Variants in SLF2 observed in about 807,000 individuals in gnomAD.
The protein encoded by SLF2 is SMC5-SMC6 complex localization factor protein 2.
A neutral mutation model predicts 124.3 loss-of-function variants in SLF2; 68 were observed. The observed-to-expected ratio is 0.55, with a 90% CI of 0.45 to 0.67. The LOEUF is 0.67. Ranked by LOEUF, SLF2 falls within the 30% of genes least tolerant of loss-of-function variation. The probability of loss-of-function intolerance (pLI) is 0.00; values close to 1 mark genes in which losing one functional copy is unlikely to be tolerated. For synonymous variants in SLF2, 480 were observed against 478.8 expected, an observed-to-expected ratio of 1.00 and a Z score of -0.03; for missense variants, 1,246 against 1,373.7, an observed-to-expected ratio of 0.91 and a Z score of 1.47.
intron 4 of SLF2, among the ~76,000 whole-genome samples, chr10:100,920,602 G>A (rs1000606138): frequency 3.9e-5 from 6 of 152,266 alleles, no homozygotes; most frequent in Admixed American, 2.6e-4. Context: ...AGGACAAGGG[G>A]ATATTTCAAT....
Position 100,932,712 on chromosome 10 carries a change from TGTGTGTGTGCGCGC to T in SLF2, c.2436+1636_2436+1649del, listed in dbSNP as rs1445080345. 2.4e-3 allele frequency among the ~76,000 whole-genome samples: 308 copies of T among 129,152 alleles called. 2 individuals carry two copies. Among genetic ancestry groups the T allele is most frequent in the African/African-American group, 8.8e-3 (291 of 32,988 alleles). The allele number at this position is 129,152 out of a possible 152,430, so 84.7% of individuals were successfully genotyped here. A position where few individuals can be genotyped will look rare whatever the true frequency, so the allele number is the denominator to read the frequency against. The stretch of plus-strand genomic sequence containing the variant: ...CAATAAGTGTGTGTGTGTGTGTGTG[TGTGTGTGTGCGCGC>T]GCGCGCGCGCGCACATTTGTAAATG... On this transcript the variant is annotated intron_variant, in intron 9 of 19. Coordinates refer to ENST00000238961, the MANE Select transcript of SLF2 (RefSeq NM_018121.4).
chr10:100,937,618 GT>G (rs540400452), intron 10 of SLF2, 141 bp downstream of exon 10: 639 of 532,532 alleles, frequency 1.2e-3, no homozygotes, highest in East Asian at 1.8e-3. Flanking sequence ...GTTTTTTTTG[GT>G]TTTTTTTTTG....
chr10:100,956,679 CT>C (rs1419085714), intron 18 of SLF2, 142 bp downstream of exon 18: 1 of 578,158 alleles, frequency 1.7e-6, no homozygotes, highest in African/African-American at 1.9e-5. Context: ...AATCCCAATA[CT>C]TTGGGAGGCT....
intron 1 of SLF2, chr10:100,913,795 T>G: frequency 1.0e-6 from 1 of 985,824 alleles, no homozygotes; most frequent in South Asian, 4.7e-5. Flanking sequence ...AGAGGCTAAT[T>G]TTTTTGTAAA....
At chr10:100,931,570 TC>T (rs1308466237) in intron 9 of SLF2, among the ~76,000 whole-genome samples, 1 of 152,198 alleles carries the variant, frequency 6.6e-6, no homozygotes, top group East Asian at 1.9e-4. Context: ...ATATGATAAT[TC>T]CAGAAAGTTA....
intron 17 of SLF2, among the ~76,000 whole-genome samples, chr10:100,953,497 TA>T (rs1349231133): frequency 6.6e-6 from 1 of 151,314 alleles, no homozygotes; most frequent in East Asian, 2.0e-4. Flanking sequence ...TTGTAAAACT[TA>T]TATAAAGTAA....
chr10:100,917,259 CAGAA>C lies in SLF2; in HGVS notation c.875_878del (p.Gln292LeufsTer53). On this transcript the variant is annotated frameshift_variant, in exon 3 of 20. Transcript: ENST00000238961. LOFTEE classifies it high-confidence loss of function. ...TAAACCAAGGCAGGAACAAAGGAAA[CAGAA>C]TGACATCATACCTGGAAAAAATAAT... The C allele has an allele frequency of 6.2e-7, 1 of 1,613,422 alleles. No individual in the cohort carries two copies.
intron 1 of SLF2, chr10:100,913,751 G>A (rs1173583786): frequency 1.0e-6 from 1 of 987,256 alleles, no homozygotes; most frequent in Non-Finnish European, 1.2e-6. Context: ...GGAATGTGAC[G>A]TGTTTTCTCT....
intron 10 of SLF2, among the ~76,000 whole-genome samples, chr10:100,938,118 G>A (rs1285771655): frequency 6.6e-6 from 1 of 152,164 alleles, no homozygotes; most frequent in Non-Finnish European, 1.5e-5. Flanking sequence ...GTAAGCAACA[G>A]TATTATACTG....
chr10:100,935,473 G>C (rs1849828185), intron 9 of SLF2, among the ~76,000 whole-genome samples: 1 of 152,030 alleles, frequency 6.6e-6, no homozygotes, highest in African/African-American at 2.4e-5. Context: ...GAATGAGATG[G>C]GTGGATCACT....
At position 100,944,189 on chromosome 10, in the gene SLF2, T is replaced by C. The variant is rs1030193966; in HGVS notation, c.2757+61T>C. On this transcript the variant is annotated intron_variant, in intron 12 of 19. Coordinates refer to ENST00000238961, the MANE Select transcript of SLF2 (RefSeq NM_018121.4). ...CTAGAACCATTTAGTCTGTGGTTAA[T>C]GGTTTTTAAAAAAAAAAAAGTCTCG... The C allele has an allele frequency of 6.5e-5, 77 of 1,187,814 alleles. 1 individual carries two copies. The African/African-American group carries it at 1.1e-3, about 16-fold the overall frequency. 73.6% of individuals were successfully genotyped at this position (1,187,814 alleles called of 1,614,324 possible).
rs142618072 is a variant in SLF2 at position 100,949,871 on chromosome 10, C to T, written c.3121-205C>T. ...TTGGCCTCTGAAAGTGTTGGGATTA[C>T]AGGTGTGAGCCACCGTGCCCGACCA... On this transcript the variant is annotated intron_variant, in intron 15 of 19. Coordinates refer to ENST00000238961, the MANE Select transcript of SLF2 (RefSeq NM_018121.4). Among the ~76,000 whole-genome samples the T allele has an allele frequency of 5.9e-5, 9 of 152,272 alleles. No individual in the cohort carries two copies. In the East Asian group the frequency reaches 1.5e-3, roughly 26 times the overall value.
intron 9 of SLF2, among the ~76,000 whole-genome samples, chr10:100,932,687 CAATA>C (rs1564775890): frequency 2.8e-5 from 4 of 140,980 alleles, no homozygotes; most frequent in Admixed American, 1.5e-4. Flanking sequence ...AGGAGACAAA[CAATA>C]AGTGTGTGTG....
In SLF2 at chr10:100,957,330, A is replaced by AT. The variant is rs71013477; in HGVS notation, c.3417+830dup. On this transcript the variant is annotated intron_variant, in intron 18 of 19. Transcript: ENST00000238961. ...AATATGTTAAAGGAAGGAGTCTTCAATTTTTTTTTTTTTTTTTTTTTTTTT... is the reference window on the plus strand; with the variant it reads ...AATATGTTAAAGGAAGGAGTCTTCAATTTTTTTTTTTTTTTTTTTTTTTTTT... Among the ~76,000 whole-genome samples the AT allele has an allele frequency of 1.2e-3, 113 of 91,834 alleles. 9 individuals are homozygous for AT. The highest frequency in any genetic ancestry group is 2.0e-3 in the East Asian group (3 of 1,528). 60.2% of individuals were successfully genotyped at this position (91,834 alleles called of 152,430 possible). A position where few individuals can be genotyped will look rare whatever the true frequency, so the allele number is the denominator to read the frequency against.
At chr10:100,937,307 G>A in intron 9 of SLF2, 95 bp from the exon 10 acceptor site, 1 of 907,744 alleles carries the variant, frequency 1.1e-6, no homozygotes, top group Non-Finnish European at 1.8e-6. Flanking sequence ...TGCTGCGCCT[G>A]GCCTACATAA....
intron 10 of SLF2, among the ~76,000 whole-genome samples, chr10:100,938,254 G>T (rs1849903456): frequency 6.6e-6 from 1 of 152,148 alleles, no homozygotes; most frequent in Non-Finnish European, 1.5e-5. Context: ...TGGGGATTGG[G>T]ACTATAAAGG....
Position 100,944,077 on chromosome 10 carries a change from T to C in SLF2, c.2706T>C (p.Tyr902=), listed in dbSNP as rs141210428. Residue 902 remains tyrosine, a synonymous_variant, in exon 12 of 20, where the codon TAT becomes TAC. Transcript: ENST00000238961. ...GGAAAGAAAGTGAAGATTCATCTTA[T>C]AAGCCAATTTTTTCAACACTTCCTG... ...SRGKESEDSS[Y]KPIFSTLPET... The C allele has an allele frequency of 1.3e-5, 21 of 1,613,016 alleles. No homozygotes were observed. Among genetic ancestry groups the C allele is most frequent in the Non-Finnish European group, 1.8e-5 (21 of 1,179,710 alleles).
chr10:100,935,551 A>G (rs1449191986), intron 9 of SLF2, among the ~76,000 whole-genome samples: 1 of 149,290 alleles, frequency 6.7e-6, no homozygotes, highest in Non-Finnish European at 1.5e-5. Context: ...ATGGTGGCGC[A>G]GGCCTATAGG....
At chr10:100,927,144 G>C (rs1980632) in intron 6 of SLF2, among the ~76,000 whole-genome samples, 66,672 of 151,884 alleles carry the variant, frequency 0.44, 16,548 homozygotes, top group Middle Eastern at 0.6. Flanking sequence ...GTACAGTTCA[G>C]TGGCATTAAG....
Sources: allele counts gnomAD v4.1 joint callset (sites outside exome capture counted in the v4.1 genomes callset), GRCh38; gene constraint gnomAD v4.1.1; transcripts MANE v1.5; gene names NCBI Gene and HGNC (gene_info 2026-07-23, HGNC 2026-07-21).